The following KCND2 variants were observed in gnomAD, a reference collection of about 807,000 sequenced individuals.
KCND2 encodes the protein potassium voltage-gated channel subfamily D member 2.
In KCND2, 16 loss-of-function variants were observed where a neutral mutation model predicts 54.4. The observed-to-expected ratio is 0.29, with a 90% CI of 0.20 to 0.45. The LOEUF (loss-of-function observed/expected upper bound fraction) is 0.45. Among genes scored for constraint, KCND2 ranks in the 20% least tolerant of loss-of-function variants. The pLI is 1.00. For missense variants in KCND2, 486 were observed against 824.2 expected (o/e 0.59, Z 5.02); for synonymous variants, 317 against 310.7 (o/e 1.02, Z -0.21).
At chr7:120,578,914 T>TCACACACA (rs1190847553) in intron 1 of KCND2, among the ~76,000 whole-genome samples, 1 of 126,998 alleles carries the variant, frequency 7.9e-6, no homozygotes, top group Non-Finnish European at 1.6e-5. Context: ...CAAGACCCTG[T>TCACACACA]CTCACACACA....
chr7:120,317,513 T>C (rs1387281037), intron 1 of KCND2, among the ~76,000 whole-genome samples: 1 of 152,200 alleles, frequency 6.6e-6, no homozygotes, highest in Non-Finnish European at 1.5e-5. Context: ...GTGTGAATTA[T>C]GTATCTTTTA....
rs548354549 is a variant in KCND2 at position 120,689,638 on chromosome 7, T to C, written c.1116-43265T>C. On this transcript the variant is annotated intron_variant, in intron 1 of 5. Transcript: ENST00000331113. ...ATTTATATGATAATTTAGACATAAA[T>C]CTTCACTATCCCTTTCTCTGAAACT... is the stretch of plus-strand genomic sequence containing the variant. 6.6e-5 allele frequency among the ~76,000 whole-genome samples: 10 copies of C among 152,314 alleles called. No homozygotes were observed. The South Asian group carries it at 1.9e-3, about 28-fold the overall frequency.
At chr7:120,355,119 G>A (rs2116391094) in intron 1 of KCND2, among the ~76,000 whole-genome samples, 1 of 152,168 alleles carries the variant, frequency 6.6e-6, no homozygotes, top group African/African-American at 2.4e-5. Context: ...TTTACAATGG[G>A]GCTACCTCTC....
At chr7:120,347,874 C>G (rs1047829802) in intron 1 of KCND2, among the ~76,000 whole-genome samples, 1 of 152,136 alleles carries the variant, frequency 6.6e-6, no homozygotes, top group Non-Finnish European at 1.5e-5. Context: ...CCCAGTTCTG[C>G]AGGCTAGAAG....
intron 1 of KCND2, among the ~76,000 whole-genome samples, chr7:120,333,606 A>T (rs1800099802): frequency 6.6e-6 from 1 of 152,114 alleles, no homozygotes; most frequent in Non-Finnish European, 1.5e-5. Flanking sequence ...AATTTGTGGA[A>T]ATGATTTTAA....
Position 120,274,442 on chromosome 7 carries a change from T to C in KCND2, c.-191T>C. 1.4e-6 allele frequency: 1 copy of C among 691,584 alleles called. No homozygotes were observed. The highest frequency in any genetic ancestry group is 2.6e-6 in the Non-Finnish European group (1 of 384,344). The allele number at this position is 691,584 out of a possible 1,614,324, so 42.8% of individuals were successfully genotyped here. ...TTGTTGCCATTATTCCAAATACCTG[T>C]CTTGGAGGGAAAGTTGCCCTTCTGA... is the stretch of plus-strand genomic sequence containing the variant. On this transcript the variant is annotated 5_prime_UTR_variant, in exon 1 of 6. Transcript: ENST00000331113.
At chr7:120,395,484 C>T (rs541643463) in intron 1 of KCND2, among the ~76,000 whole-genome samples, 2 of 152,022 alleles carry the variant, frequency 1.3e-5, no homozygotes, top group East Asian at 3.9e-4. Context: ...GGGGCCTAGC[C>T]TGGGAGAGTT....
chr7:120,552,518 T>C (rs1211779732), intron 1 of KCND2, among the ~76,000 whole-genome samples: 1 of 152,176 alleles, frequency 6.6e-6, no homozygotes, highest in Non-Finnish European at 1.5e-5. Flanking sequence ...AAAACCTGAG[T>C]GTTTTTGTGC....
chr7:120,386,620 T>C (rs1406451121), intron 1 of KCND2, among the ~76,000 whole-genome samples: 4 of 152,152 alleles, frequency 2.6e-5, no homozygotes, highest in Admixed American at 2.0e-4. Flanking sequence ...CCAGAAATAT[T>C]TGTGAGATCC....
At chr7:120,512,014 G>C (rs781074951) in intron 1 of KCND2, among the ~76,000 whole-genome samples, 1 of 152,128 alleles carries the variant, frequency 6.6e-6, no homozygotes, top group South Asian at 2.1e-4. Context: ...GTCCTAACCC[G>C]AATGTGTGAA....
chr7:120,640,236 A>G (rs1408936155), intron 1 of KCND2, among the ~76,000 whole-genome samples: 1 of 152,158 alleles, frequency 6.6e-6, no homozygotes, highest in Non-Finnish European at 1.5e-5. Context: ...ACCACCACCA[A>G]AGTACTAAAA....
At position 120,742,457 on chromosome 7, in the gene KCND2, C is replaced by T. The variant is rs924621220; in HGVS notation, c.1375-53C>T. On this transcript the variant is annotated intron_variant, in intron 3 of 5. Coordinates refer to ENST00000331113, the MANE Select transcript of KCND2 (RefSeq NM_012281.3). ...TCTGTGGAAATATGTAGCCGAGGTT[C>T]GAGTTGTTTGCAAATAAAATAGAAA... 1.5e-5 allele frequency: 21 copies of T among 1,391,970 alleles called. No homozygotes were observed. The African/African-American group carries it at 1.8e-4, about 12-fold the overall frequency. The allele number at this position is 1,391,970 out of a possible 1,614,324, so 86.2% of individuals were successfully genotyped here. A position where few individuals can be genotyped will look rare whatever the true frequency, so the allele number is the denominator to read the frequency against.
chr7:120,512,801 CTTTTTTTT>C (rs796237031), intron 1 of KCND2, among the ~76,000 whole-genome samples: 2 of 137,424 alleles, frequency 1.5e-5, no homozygotes, highest in African/African-American at 5.3e-5. Flanking sequence ...TTTCTTTTTT[CTTTTTTTT>C]TTTTTTTGGA....
intron 1 of KCND2, among the ~76,000 whole-genome samples, chr7:120,464,866 T>A (rs1802345683): frequency 6.6e-6 from 1 of 152,158 alleles, no homozygotes; most frequent in African/African-American, 2.4e-5. Flanking sequence ...GTTTCAAATA[T>A]CCCTGACTTC....
chr7:120,327,877 A>T (rs1279159314), intron 1 of KCND2, among the ~76,000 whole-genome samples: 2 of 151,998 alleles, frequency 1.3e-5, no homozygotes, highest in African/African-American at 4.8e-5. Context: ...GAAAATATTT[A>T]TTCTATAAGA....
intron 1 of KCND2, among the ~76,000 whole-genome samples, chr7:120,667,705 T>G (rs1791945670): frequency 1.3e-5 from 2 of 152,054 alleles, no homozygotes; most frequent in South Asian, 4.1e-4. Flanking sequence ...AAATGTATCT[T>G]TCTCATAGTA....
At chr7:120,683,045 A>G (rs1186163243) in intron 1 of KCND2, among the ~76,000 whole-genome samples, 2 of 152,152 alleles carry the variant, frequency 1.3e-5, no homozygotes, top group Non-Finnish European at 2.9e-5. Flanking sequence ...TTACTTGTCC[A>G]TTCCTAAACA....
In KCND2 at chr7:120,437,119, A is replaced by G. The variant is rs140433685; in HGVS notation, c.1115+161372A>G. 3.3e-5 allele frequency among the ~76,000 whole-genome samples: 5 copies of G among 151,960 alleles called. No homozygotes were observed. The East Asian group carries it at 9.7e-4, about 29-fold the overall frequency. ...TATGAATTCTTCCAAGTAATTTTGC[A>G]TTTTTGAACTCAAAATCTAATAGGT... is the stretch of plus-strand genomic sequence containing the variant. On this transcript the variant is annotated intron_variant, in intron 1 of 5. Transcript: ENST00000331113.
intron 1 of KCND2, among the ~76,000 whole-genome samples, chr7:120,354,892 A>G (rs917412818): frequency 2.0e-5 from 3 of 152,238 alleles, no homozygotes; most frequent in African/African-American, 4.8e-5. Context: ...TATAAACTAT[A>G]CTATTCTTCA....
Sources: allele counts gnomAD v4.1 joint callset (sites outside exome capture counted in the v4.1 genomes callset), GRCh38; gene constraint gnomAD v4.1.1; transcripts MANE v1.5; gene names NCBI Gene and HGNC (gene_info 2026-07-23, HGNC 2026-07-21).